The following PROM1 variants were observed in gnomAD, a reference collection of about 807,000 sequenced individuals.
PROM1 encodes prominin-1.
PROM1 carries 105 observed loss-of-function variants against 116.9 expected under a neutral mutation model. The ratio of observed to expected loss-of-function variants is 0.90; its 90% CI spans 0.77 to 1.06. PROM1 has a LOEUF of 1.06. Among genes scored for constraint, PROM1 ranks in the 50% least tolerant of loss-of-function variants. The pLI is 0.00. For synonymous variants in PROM1, 393 were observed against 387.0 expected, an observed-to-expected ratio of 1.02 and a Z score of -0.18; for missense variants, 1,122 against 1,045.2, an observed-to-expected ratio of 1.07 and a Z score of -1.01.
chr4:16,024,810 G>A (rs572278647), intron 6 of PROM1, among the ~76,000 whole-genome samples: 2 of 152,146 alleles, frequency 1.3e-5, no homozygotes, highest in South Asian at 4.1e-4. Context: ...AAAGCTGGAT[G>A]GTTTCATTAC....
intron 1 of PROM1, chr4:16,079,221 A>T (rs1744544145): frequency 6.6e-6 from 1 of 152,226 alleles, no homozygotes; most frequent in African/African-American, 2.4e-5. Context: ...ACAGAGAGAA[A>T]CTGCCAAGGG....
chr4:16,023,664 ACT>A (rs1214858868), intron 7 of PROM1, among the ~76,000 whole-genome samples: 1 of 152,052 alleles, frequency 6.6e-6, no homozygotes, highest in African/African-American at 2.4e-5. Flanking sequence ...CCTGTGTGTA[ACT>A]CTCTGTGTAT....
intron 23 of PROM1, among the ~76,000 whole-genome samples, chr4:15,982,518 T>C (rs1718233187): frequency 6.6e-6 from 1 of 152,214 alleles, no homozygotes. Context: ...CAGTCTATCG[T>C]ATTGACTAAA....
In PROM1 at chr4:16,017,148, G is replaced by A. The variant is rs1330790555; in HGVS notation, c.1003-908C>T. Among the ~76,000 whole-genome samples the A allele has an allele frequency of 2.0e-5, 3 of 152,148 alleles. No individual in the cohort carries two copies. The East Asian group carries it at 5.8e-4, about 29-fold the overall frequency. ...ACAACTTATCCCCAACTTACCTTTT[G>A]AGAAAAGAACAAAATGCATATTATT... On this transcript the variant is annotated intron_variant, in intron 9 of 27. Coordinates refer to ENST00000447510, the MANE Select transcript of PROM1 (RefSeq NM_006017.3).
chr4:16,072,740 C>T (rs1175963615), intron 2 of PROM1, among the ~76,000 whole-genome samples: 1 of 152,196 alleles, frequency 6.6e-6, no homozygotes, highest in African/African-American at 2.4e-5. Flanking sequence ...AAGTTCTAAA[C>T]CTCCCAGTTG....
At chr4:15,981,250 C>T (rs928623044) in intron 23 of PROM1, among the ~76,000 whole-genome samples, 11 of 150,182 alleles carry the variant, frequency 7.3e-5, no homozygotes, top group East Asian at 4.1e-4. Context: ...CGTGAGCCAC[C>T]GCGCCTGGCT....
At chr4:15,987,105 G>C (rs1036782774) in intron 20 of PROM1, among the ~76,000 whole-genome samples, 1 of 152,228 alleles carries the variant, frequency 6.6e-6, no homozygotes, top group South Asian at 2.1e-4. Context: ...GCCAGACGAC[G>C]ATGTGTGTGA....
intron 5 of PROM1, among the ~76,000 whole-genome samples, chr4:16,032,753 T>C (rs929886191): frequency 6.6e-6 from 1 of 152,184 alleles, no homozygotes; most frequent in East Asian, 1.9e-4. Context: ...GCAGCAGAAA[T>C]ACCCTAAATC....
chr4:16,006,095 C>T (rs894225656), intron 13 of PROM1, among the ~76,000 whole-genome samples: 3 of 152,210 alleles, frequency 2.0e-5, no homozygotes, highest in Non-Finnish European at 2.9e-5. Flanking sequence ...AGTTCTAAAT[C>T]AAGTTTCTAG....
At chr4:15,997,282 CAT>C (rs112868587) in intron 15 of PROM1, among the ~76,000 whole-genome samples, 203 of 137,498 alleles carry the variant, frequency 1.5e-3, no homozygotes, top group African/African-American at 4.8e-3. Context: ...TTCGTTCATT[CAT>C]ATATATATAT....
intron 9 of PROM1, among the ~76,000 whole-genome samples, chr4:16,017,179 C>T (rs1211085693): frequency 6.6e-6 from 1 of 152,056 alleles, no homozygotes; most frequent in Non-Finnish European, 1.5e-5. Flanking sequence ...TTATTTTATG[C>T]ATGTATATAT....
At position 16,009,147 on chromosome 4, in the gene PROM1, TG is replaced by T. The variant is rs772522570; in HGVS notation, c.1142-40del. ...TACCTTTGTTATGCATTTGCAAACA[TG>T]GAGGAAATAGAAACTTTGTTTTGGA... On this transcript the variant is annotated intron_variant, in intron 11 of 27. Transcript: ENST00000447510. The T allele has an allele frequency of 3.3e-5, 52 of 1,572,964 alleles. No individual in the cohort carries two copies. In the East Asian group the frequency reaches 1.1e-3, roughly 34 times the overall value.
chr4:16,035,321 C>T (rs1733708229), intron 4 of PROM1, among the ~76,000 whole-genome samples: 1 of 152,170 alleles, frequency 6.6e-6, no homozygotes, highest in Non-Finnish European at 1.5e-5. Flanking sequence ...CCAGGAGACA[C>T]TGAACCAAAA....
chr4:16,033,536 C>G, intron 4 of PROM1, 27 bp from the exon 5 acceptor site: 1 of 1,396,642 alleles, frequency 7.2e-7, no homozygotes, highest in Non-Finnish European at 9.8e-7. Flanking sequence ...AGAAACAGCA[C>G]ATATTGTAGC....
rs766013910 is a variant in PROM1, at chr4:15,992,395, C to A, written c.1768-4G>T. On this transcript the variant is annotated splice_polypyrimidine_tract_variant and splice_region_variant and intron_variant, in intron 16 of 27. Coordinates refer to ENST00000447510, the MANE Select transcript of PROM1 (RefSeq NM_006017.3). The stretch of plus-strand genomic sequence containing the variant: ...CACTGCTTATGCTTCCAGTATGCTG[C>A]GAAAAAAGGAAGTTACAAATCAGTC... The A allele has an allele frequency of 7.5e-6, 12 of 1,607,036 alleles. No homozygotes were observed. In the African/African-American group the frequency reaches 1.3e-4, roughly 18 times the overall value.
At chr4:16,076,252 G>A (rs1743931515) in intron 1 of PROM1, 134 bp from the exon 2 acceptor site, 1 of 232,130 alleles carries the variant, frequency 4.3e-6, no homozygotes, top group Non-Finnish European at 8.5e-6. Flanking sequence ...TGGAAACCAA[G>A]CACACAACCT....
At chr4:16,033,914 T>C (rs1733382254) in intron 4 of PROM1, among the ~76,000 whole-genome samples, 1 of 151,754 alleles carries the variant, frequency 6.6e-6, no homozygotes, top group Admixed American at 6.6e-5. Flanking sequence ...TATATATATA[T>C]ATATATGTAT....
intron 25 of PROM1, 65 bp downstream of exon 25, chr4:15,979,816 C>T (rs1717290358): frequency 2.3e-6 from 3 of 1,297,612 alleles, no homozygotes; most frequent in Non-Finnish European, 3.2e-6. Context: ...TTTTAAAGTC[C>T]ATTACATAAT....
intron 2 of PROM1, among the ~76,000 whole-genome samples, chr4:16,071,615 C>G (rs775183933): frequency 6.6e-6 from 1 of 152,162 alleles, no homozygotes; most frequent in Non-Finnish European, 1.5e-5. Context: ...CACCCTCTCT[C>G]CAGGAGCCTG....
Sources: gnomAD v4.1 joint callset for allele counts (sites outside exome capture counted in the v4.1 genomes callset) on GRCh38, gnomAD v4.1.1 for gene constraint, MANE v1.5 for transcripts, NCBI Gene and HGNC (gene_info 2026-07-23, HGNC 2026-07-21) for gene names.